ANKS1B: variants seen among roughly 807,000 people sequenced by gnomAD.
ANKS1B encodes the protein ankyrin repeat and sterile alpha motif domain-containing protein 1B.
A neutral mutation model predicts 148.3 loss-of-function variants in ANKS1B; 36 were observed. The ratio of observed to expected loss-of-function variants is 0.24; its 90% CI spans 0.19 to 0.32. The LOEUF (loss-of-function observed/expected upper bound fraction) is 0.32, where lower values mean the gene tolerates loss of function less well. Among genes scored for constraint, ANKS1B ranks in the 10% least tolerant of loss-of-function variants. ANKS1B has a pLI of 1.00. For missense variants in ANKS1B, 1,157 were observed against 1,542.6 expected, an observed-to-expected ratio of 0.75 and a Z score of 4.19; for synonymous variants, 542 against 560.8, an observed-to-expected ratio of 0.97 and a Z score of 0.47.
chr12:99,098,618 A>ATTTTT (rs2056973505), intron 15 of ANKS1B, among the ~76,000 whole-genome samples: 1 of 59,366 alleles, frequency 1.7e-5, no homozygotes, highest in African/African-American at 7.0e-5. Context: ...GCTAGGAACT[A>ATTTTT]CTTTTTTTTT....
intron 9 of ANKS1B, among the ~76,000 whole-genome samples, chr12:99,551,114 T>C (rs540447497): frequency 8.5e-5 from 13 of 152,124 alleles, no homozygotes; most frequent in Admixed American, 2.0e-4. Context: ...ACAACAAATA[T>C]GGAATCAAGA....
chr12:99,288,168 A>G (rs2079398547), intron 12 of ANKS1B, among the ~76,000 whole-genome samples: 1 of 152,170 alleles, frequency 6.6e-6, no homozygotes, highest in Non-Finnish European at 1.5e-5. Flanking sequence ...AAGAGTAGCA[A>G]GAGAAAAGAA....
chr12:98,764,842 G>A lies in ANKS1B; in HGVS notation c.3579+8200C>T, dbSNP rs189840059. On this transcript the variant is annotated intron_variant, in intron 25 of 26. Transcript: ENST00000683438. The stretch of plus-strand genomic sequence containing the variant: ...AGAGCCCACCCTGCTGGCTGCTGGT[G>A]CAGTGCCCGGGTGGCATGGATCTGA... Among the ~76,000 whole-genome samples the A allele has an allele frequency of 1.5e-3, 222 of 152,322 alleles. 2 individuals carry two copies. The highest frequency in any genetic ancestry group is 5.1e-3 in the African/African-American group (213 of 41,566).
In ANKS1B at chr12:99,609,884, C is replaced by T. The variant is rs544398825; in HGVS notation, c.1272+45183G>A. Among the ~76,000 whole-genome samples, 6 of 152,180 alleles carry T rather than the reference C, an allele frequency of 3.9e-5. No individual in the cohort carries two copies. The South Asian group carries it at 6.2e-4, about 16-fold the overall frequency. On this transcript the variant is annotated intron_variant, in intron 9 of 26. Transcript: ENST00000683438. Reference sequence around the variant, plus strand: ...CAGATAAAATTTTACCATCTATTCTCAACCAGGCATTATAGACAGAGACCA... The same window carrying T: ...CAGATAAAATTTTACCATCTATTCTTAACCAGGCATTATAGACAGAGACCA...
chr12:99,805,263 C>CAAAAAAAGAAAAAA (rs2067459177), intron 4 of ANKS1B, among the ~76,000 whole-genome samples: 1 of 28,908 alleles, frequency 3.5e-5, no homozygotes, highest in African/African-American at 1.5e-4. Context: ...GAGGAAAAGG[C>CAAAAAAAGAAAAAA]AAAAAAAAAA....
chr12:99,108,897 G>A (rs537054087), intron 15 of ANKS1B, among the ~76,000 whole-genome samples: 14 of 152,156 alleles, frequency 9.2e-5, no homozygotes, highest in Non-Finnish European at 2.1e-4. Flanking sequence ...ACATGGAATG[G>A]ACAAAAGAGA....
At chr12:98,865,177 C>G (rs1382383790) in intron 17 of ANKS1B, among the ~76,000 whole-genome samples, 1 of 152,162 alleles carries the variant, frequency 6.6e-6, no homozygotes, top group Non-Finnish European at 1.5e-5. Flanking sequence ...TCTACCACCC[C>G]AAATCTTTCT....
At chr12:99,858,375 T>C (rs999341448) in intron 1 of ANKS1B, among the ~76,000 whole-genome samples, 1 of 151,890 alleles carries the variant, frequency 6.6e-6, no homozygotes, top group Non-Finnish European at 1.5e-5. Flanking sequence ...AAAAAAATAA[T>C]AGATGGTGGT....
At chr12:99,214,642 C>T (rs1032848815) in intron 14 of ANKS1B, among the ~76,000 whole-genome samples, 12 of 152,162 alleles carry the variant, frequency 7.9e-5, no homozygotes, top group African/African-American at 2.7e-4. Flanking sequence ...ATTACCCAGT[C>T]TCATAGCAGT....
At chr12:99,732,920 A>C (rs1007800908) in intron 8 of ANKS1B, among the ~76,000 whole-genome samples, 4 of 152,082 alleles carry the variant, frequency 2.6e-5, no homozygotes, top group African/African-American at 9.7e-5. Context: ...ATTTTCATTC[A>C]GTTATAAGAC....
chr12:99,480,719 T>A (rs1230625617), intron 10 of ANKS1B, among the ~76,000 whole-genome samples: 2 of 151,876 alleles, frequency 1.3e-5, no homozygotes, highest in African/African-American at 4.8e-5. Flanking sequence ...AGGAAGGTTT[T>A]TGTATTCAAT....
At chr12:99,405,883 C>T (rs1022730909) in intron 11 of ANKS1B, among the ~76,000 whole-genome samples, 6 of 144,578 alleles carry the variant, frequency 4.2e-5, no homozygotes, top group Non-Finnish European at 9.2e-5. Context: ...AAAGAGCAGT[C>T]GTAGCTATAC....
intron 4 of ANKS1B, among the ~76,000 whole-genome samples, chr12:99,782,671 CT>C (rs767944925): frequency 2.0e-5 from 3 of 152,198 alleles, no homozygotes; most frequent in Non-Finnish European, 4.4e-5. Context: ...CCTCACAAGG[CT>C]TTTGTGACTA....
intron 14 of ANKS1B, among the ~76,000 whole-genome samples, chr12:99,235,657 A>G (rs1341774801): frequency 6.6e-6 from 1 of 152,246 alleles, no homozygotes; most frequent in African/African-American, 2.4e-5. Context: ...CTTGGAGCTA[A>G]TATCATACTT....
chr12:98,794,903 G>A, intron 22 of ANKS1B: 1 of 1,511,100 alleles, frequency 6.6e-7, no homozygotes, highest in Non-Finnish European at 9.2e-7. Flanking sequence ...GCAGGCAAAG[G>A]GAAGCAGTTG....
intron 17 of ANKS1B, among the ~76,000 whole-genome samples, chr12:98,871,032 T>C (rs2099665484): frequency 6.6e-6 from 1 of 152,216 alleles, no homozygotes; most frequent in Non-Finnish European, 1.5e-5. Context: ...CCTCTTTGAA[T>C]TGAGGTCAGG....
At chr12:99,600,660 C>T (rs971239372) in intron 9 of ANKS1B, among the ~76,000 whole-genome samples, 8 of 151,944 alleles carry the variant, frequency 5.3e-5, no homozygotes, top group African/African-American at 9.7e-5. Context: ...ACATCAATCA[C>T]GCCTGCCAAG....
intron 25 of ANKS1B, among the ~76,000 whole-genome samples, chr12:98,758,227 T>A (rs894201383): frequency 6.6e-6 from 1 of 152,128 alleles, no homozygotes; most frequent in African/African-American, 2.4e-5. Context: ...TACTTCCATT[T>A]TGCACATGAG....
intron 17 of ANKS1B, among the ~76,000 whole-genome samples, chr12:98,910,690 G>C (rs912076505): frequency 6.6e-6 from 1 of 152,170 alleles, no homozygotes; most frequent in African/African-American, 2.4e-5. Context: ...GTTGTAAATA[G>C]TGCATTTAAA....
Sources: gnomAD v4.1 joint callset for allele counts (sites outside exome capture counted in the v4.1 genomes callset) on GRCh38, gnomAD v4.1.1 for gene constraint, MANE v1.5 for transcripts, NCBI Gene and HGNC (gene_info 2026-07-23, HGNC 2026-07-21) for gene names.